The following IRX1 variants were observed in gnomAD, a reference collection of about 807,000 sequenced individuals.
The protein encoded by IRX1 is iroquois homeobox 1, also known as iroquois-class homeodomain protein IRX-1.
IRX1 carries 22 observed loss-of-function variants against 34.1 expected under a neutral mutation model. The observed-to-expected ratio is 0.64, with a 90% CI of 0.46 to 0.92. The LOEUF is 0.92. IRX1 is among the 40% of genes least tolerant of loss of function. IRX1 has a pLI of 0.00. For synonymous variants in IRX1, 363 were observed against 319.0 expected (o/e 1.14, Z -1.47); for missense variants, 758 against 680.0 (o/e 1.11, Z -1.28).
Position 3,600,262 on chromosome 5 carries a change from T to C in IRX1, c.1312+2T>C, listed in dbSNP as rs370244949. 1.9e-6 allele frequency: 3 copies of C among 1,579,152 alleles called. No homozygotes were observed. The highest frequency in any genetic ancestry group is 2.6e-6 in the Non-Finnish European group (3 of 1,166,400). On this transcript the variant is annotated splice_donor_variant, in intron 2 of 3. Transcript: ENST00000302006. LOFTEE classifies it high-confidence loss of function. Reference sequence around the variant, plus strand: ...TCCGCAGCAGCCCCACGCTCCCAGGTACAGCTCCAGGCCGCGTCCACCTGT... The same window carrying C: ...TCCGCAGCAGCCCCACGCTCCCAGGCACAGCTCCAGGCCGCGTCCACCTGT...
At chr5:3,598,476 C>T (rs994080070) in intron 1 of IRX1, among the ~76,000 whole-genome samples, 2 of 151,920 alleles carry the variant, frequency 1.3e-5, no homozygotes, top group African/African-American at 4.8e-5. Flanking sequence ...GCTCCCAGCC[C>T]TTGCGTTAAT....
intron 3 of IRX1, 100 bp downstream of exon 3, chr5:3,600,781 G>T: frequency 8.1e-7 from 1 of 1,241,954 alleles, no homozygotes; most frequent in Middle Eastern, 2.2e-4. Context: ...GGTGGGGGTC[G>T]CGCAGTCCTA....
In IRX1 at chr5:3,596,172, G is replaced by T; in HGVS notation, c.67G>T (p.Glu23Ter). The T allele has an allele frequency of 9.7e-7, 1 of 1,027,332 alleles. No individual in the cohort carries two copies. Among genetic ancestry groups the T allele is most frequent in the South Asian group, 4.5e-5 (1 of 22,454 alleles). 63.6% of individuals were successfully genotyped at this position (1,027,332 alleles called of 1,614,324 possible). A position where few individuals can be genotyped will look rare whatever the true frequency, so the allele number is the denominator to read the frequency against. Residue 23 changes from glutamate to a stop codon, truncating the protein, a stop_gained, in exon 1 of 4, where the codon GAG becomes TAG. Coordinates refer to ENST00000302006, the MANE Select transcript of IRX1 (RefSeq NM_024337.4). LOFTEE classifies it high-confidence loss of function. ...CGCGGGGCCGGGCGCCTACGGCGGC[G>T]AGCGCCCGGGGGTGCTGGCCGCGGC... ...SAAGPGAYGG[E>*]RPGVLAAAAA...
chr5:3,595,872 C>T lies in IRX1; in HGVS notation c.-234C>T, dbSNP rs1333276501. On this transcript the variant is annotated 5_prime_UTR_variant, in exon 1 of 4. Coordinates refer to ENST00000302006, the MANE Select transcript of IRX1 (RefSeq NM_024337.4). ...GCCGCCGAGCGGAGGGCGGCCGCCG[C>T]AGTCGGCGCGCGATTGCGGATCCGG... 6.6e-6 allele frequency among the ~76,000 whole-genome samples: 1 copy of T among 151,042 alleles called. No individual in the cohort carries two copies. Among genetic ancestry groups the T allele is most frequent in the Non-Finnish European group, 1.5e-5 (1 of 67,630 alleles).
chr5:3,598,929 C>T lies in IRX1; in HGVS notation c.277-296C>T, dbSNP rs983549144. Among the ~76,000 whole-genome samples the T allele has an allele frequency of 4.6e-5, 7 of 152,144 alleles. No individual in the cohort carries two copies. In the South Asian group the frequency reaches 8.3e-4, roughly 18 times the overall value. On this transcript the variant is annotated intron_variant, in intron 1 of 3. Coordinates refer to ENST00000302006, the MANE Select transcript of IRX1 (RefSeq NM_024337.4). ...CTCTGTTGTGCTCTTCTGGAGAGTG[C>T]ACTGTTTGTGGAACTTTTCTAGAGT...
chr5:3,598,457 C>T (rs574279546), intron 1 of IRX1, among the ~76,000 whole-genome samples: 11 of 152,138 alleles, frequency 7.2e-5, no homozygotes, highest in Non-Finnish European at 1.5e-4. Context: ...CCCCTCCTGG[C>T]CGCCGGTGGC....
In IRX1 at chr5:3,598,382, T is replaced by A. The variant is rs146752771; in HGVS notation, c.277-843T>A. Reference sequence around the variant, plus strand: ...CTGCAAACAGCTAGTGTTTGCTCCCTCCAGATCAAAGTCAAACTTAAGAGA... The same window carrying A: ...CTGCAAACAGCTAGTGTTTGCTCCCACCAGATCAAAGTCAAACTTAAGAGA... On this transcript the variant is annotated intron_variant, in intron 1 of 3. Transcript: ENST00000302006. Among the ~76,000 whole-genome samples, 106 of 152,294 alleles carry A rather than the reference T, an allele frequency of 7.0e-4. 1 individual carries two copies. In the East Asian group the frequency reaches 0.013, roughly 19 times the overall value.
chr5:3,599,703 C>T lies in IRX1; in HGVS notation c.755C>T (p.Pro252Leu), dbSNP rs758355953. The T allele has an allele frequency of 6.8e-5, 110 of 1,612,720 alleles. No individual in the cohort carries two copies. Among genetic ancestry groups the T allele is most frequent in the Non-Finnish European group, 9.0e-5 (106 of 1,179,976 alleles). Residue 252 changes from proline (P) to leucine (L), a missense_variant, in exon 2 of 4, where the codon CCG becomes CTG. Coordinates refer to ENST00000302006, the MANE Select transcript of IRX1 (RefSeq NM_024337.4). The surrounding 1 kb of genome is among the most constrained non-coding windows in gnomAD (Gnocchi z 6.6). ...GATGACGAGGACAAGGCCGAGGCTC[C>T]GCACGCGCCCGCAGCCCCTTCTGCT... ...NEDDEDKAEA[P>L]HAPAAPSALA...
intron 1 of IRX1, among the ~76,000 whole-genome samples, chr5:3,598,863 T>G (rs1733864769): frequency 6.6e-6 from 1 of 152,140 alleles, no homozygotes; most frequent in South Asian, 2.1e-4. Context: ...CGGTTGGTGG[T>G]GGGGACAGGG....
In IRX1 at chr5:3,599,751, C is replaced by T. The variant is rs762040382; in HGVS notation, c.803C>T (p.Pro268Leu). ...GCTCTTGCCCGGGACCAAGGCTCGC[C>T]GCTGGCAGCAGCCGACGTTCTCAAG... is the stretch of plus-strand genomic sequence containing the variant. ...PSALARDQGS[P>L]LAAADVLKPQ... The change falls in exon 2 of 4, where the codon CCG becomes CTG. Residue 268 changes from proline (P) to leucine (L), a missense_variant. Coordinates refer to ENST00000302006, the MANE Select transcript of IRX1 (RefSeq NM_024337.4). The surrounding 1 kb of genome is among the most constrained non-coding windows in gnomAD (Gnocchi z 6.6). The T allele has an allele frequency of 2.5e-6, 4 of 1,610,504 alleles. No individual in the cohort carries two copies. The highest frequency in any genetic ancestry group is 1.3e-5 in the African/African-American group (1 of 74,914).
rs1733879973 is a variant in IRX1, at chr5:3,599,260, G to A, written c.312G>A (p.Val104=). The part of the protein sequence containing the change: ...SQYELKDNPG[V]HPATFAAHTA... Reference sequence around the variant, plus strand: ...ATGAACTGAAGGACAACCCTGGGGTGCACCCCGCCACCTTCGCAGCCCACA... The same window carrying A: ...ATGAACTGAAGGACAACCCTGGGGTACACCCCGCCACCTTCGCAGCCCACA... The change falls in exon 2 of 4, where the codon GTG becomes GTA. Residue 104 remains valine, a synonymous_variant. Coordinates refer to ENST00000302006, the MANE Select transcript of IRX1 (RefSeq NM_024337.4). This position sits in a 1 kb window ranked among gnomAD's most constrained non-coding sequence, Gnocchi z 6.6. The A allele has an allele frequency of 1.9e-6, 3 of 1,613,794 alleles. No homozygotes were observed. Among genetic ancestry groups the A allele is most frequent in the Non-Finnish European group, 2.5e-6 (3 of 1,179,978 alleles).
Position 3,599,218 on chromosome 5 carries a change from G to A in IRX1, c.277-7G>A. 6.2e-7 allele frequency: 1 copy of A among 1,609,582 alleles called. No individual in the cohort carries two copies. Among genetic ancestry groups the A allele is most frequent in the East Asian group, 2.2e-5 (1 of 44,760 alleles). ...CTCTCCTCGATGGATCTGCCCTGTG[G>A]CTTCAGGGCTCGCAGTATGAACTGA... is the stretch of plus-strand genomic sequence containing the variant. On this transcript the variant is annotated splice_region_variant and splice_polypyrimidine_tract_variant and intron_variant, in intron 1 of 3. Transcript: ENST00000302006. This position sits in a 1 kb window ranked among gnomAD's most constrained non-coding sequence, Gnocchi z 6.6.
rs745407739 is a variant in IRX1, at chr5:3,599,829, C to T, written c.881C>T (p.Thr294Met). 1 of 1,565,164 alleles carries T rather than the reference C, an allele frequency of 6.4e-7. No individual in the cohort carries two copies. The highest frequency in any genetic ancestry group is 8.6e-7 in the Non-Finnish European group (1 of 1,156,766). The change falls in exon 2 of 4, where the codon ACG (threonine) becomes ATG (methionine). Residue 294 changes from threonine (T) to methionine (M), a missense_variant. By Grantham distance (81) the Thr-to-Met change is moderately conservative. Transcript: ENST00000302006. The surrounding 1 kb of genome is among the most constrained non-coding windows in gnomAD (Gnocchi z 6.6). Reference protein sequence around the residue: ...LAKEAPEPGSTRLLSPGAAAG... With the variant: ...LAKEAPEPGSMRLLSPGAAAG... The stretch of plus-strand genomic sequence containing the variant: ...AAGGAGGCCCCAGAGCCGGGCAGCA[C>T]GCGCCTGCTGAGCCCCGGCGCTGCA...
Position 3,601,323 on chromosome 5 carries a change from A to C in IRX1, c.*283A>C, listed in dbSNP as rs1733964837. 6 of 491,074 alleles carry C rather than the reference A, an allele frequency of 1.2e-5. No individual in the cohort carries two copies. In the East Asian group the frequency reaches 2.2e-4, roughly 18 times the overall value. 30.4% of individuals were successfully genotyped at this position (491,074 alleles called of 1,614,324 possible). On this transcript the variant is annotated 3_prime_UTR_variant, in exon 4 of 4. Coordinates refer to ENST00000302006, the MANE Select transcript of IRX1 (RefSeq NM_024337.4). Reference sequence around the variant, plus strand: ...TCTTTCCCCCCTTTTCTGTATATAGAGTGGTTTCAGATTGTAAATAGCGCG... The same window carrying C: ...TCTTTCCCCCCTTTTCTGTATATAGCGTGGTTTCAGATTGTAAATAGCGCG...
rs1437714142 is a variant in IRX1, at chr5:3,599,178, C to T, written c.277-47C>T. On this transcript the variant is annotated intron_variant, in intron 1 of 3. Coordinates refer to ENST00000302006, the MANE Select transcript of IRX1 (RefSeq NM_024337.4). This position sits in a 1 kb window ranked among gnomAD's most constrained non-coding sequence, Gnocchi z 6.6. ...TCTCTCTCTCTCTCCCTTTCTCTCT[C>T]CACTTCCCTCCTCTCTCTCCTCGAT... The T allele has an allele frequency of 1.3e-6, 2 of 1,554,760 alleles. No homozygotes were observed. Among genetic ancestry groups the T allele is most frequent in the Non-Finnish European group, 8.8e-7 (1 of 1,140,946 alleles).
At chr5:3,596,419 CA>C in intron 1 of IRX1, 38 bp downstream of exon 1, 1 of 1,449,564 alleles carries the variant, frequency 6.9e-7, no homozygotes, top group South Asian at 1.4e-5. Context: ...TCCTCTGTCT[CA>C]CCCGCGCCAG....
rs1743684423 is a variant in IRX1, at chr5:3,596,129, C to T, written c.24C>T (p.Tyr8=). Residue 8 remains tyrosine (Y), a synonymous_variant, in exon 1 of 4, where the codon TAC becomes TAT. Coordinates refer to ENST00000302006, the MANE Select transcript of IRX1 (RefSeq NM_024337.4). ...ACATGTCCTTCCCGCAGCTGGGCTA[C>T]CCGCAGTACCTGAGCGCCGCGGGGC... MSFPQLG[Y]PQYLSAAGPG... is the part of the protein sequence containing the mutation. The T allele has an allele frequency of 2.8e-5, 29 of 1,049,904 alleles. No homozygotes were observed. Among genetic ancestry groups the T allele is most frequent in the Non-Finnish European group, 3.0e-5 (26 of 872,570 alleles). 65.0% of individuals were successfully genotyped at this position (1,049,904 alleles called of 1,614,324 possible).
chr5:3,597,734 C>G lies in IRX1; in HGVS notation c.276+1353C>G, dbSNP rs551778955. On this transcript the variant is annotated intron_variant, in intron 1 of 3. Coordinates refer to ENST00000302006, the MANE Select transcript of IRX1 (RefSeq NM_024337.4). Reference sequence around the variant, plus strand: ...TGGAACGATTGGGCAAAAACGAAATCTAGCCGCAGAAATGTTTTCTCTGCG... The same window carrying G: ...TGGAACGATTGGGCAAAAACGAAATGTAGCCGCAGAAATGTTTTCTCTGCG... Among the ~76,000 whole-genome samples the G allele has an allele frequency of 5.9e-5, 9 of 152,326 alleles. No homozygotes were observed. In the South Asian group the frequency reaches 1.9e-3, roughly 32 times the overall value.
rs764837264 is a variant in IRX1, at chr5:3,600,267, C to T, written c.1312+7C>T. 6.4e-7 allele frequency: 1 copy of T among 1,563,348 alleles called. No individual in the cohort carries two copies. Among genetic ancestry groups the T allele is most frequent in the South Asian group, 1.2e-5 (1 of 85,254 alleles). On this transcript the variant is annotated splice_region_variant and intron_variant, in intron 2 of 3. Coordinates refer to ENST00000302006, the MANE Select transcript of IRX1 (RefSeq NM_024337.4). ...AGCAGCCCCACGCTCCCAGGTACAG[C>T]TCCAGGCCGCGTCCACCTGTCCCCT... is the stretch of plus-strand genomic sequence containing the variant.
Sources: gnomAD v4.1 joint callset for allele counts (sites outside exome capture counted in the v4.1 genomes callset) on GRCh38, gnomAD v4.1.1 for gene constraint, Gnocchi (gnomAD v3.1) non-coding constraint, MANE v1.5 for transcripts, NCBI Gene and HGNC (gene_info 2026-07-23, HGNC 2026-07-21) for gene names.